Variants in TSEN2 observed in about 807,000 individuals in gnomAD.
The protein encoded by TSEN2 is tRNA-splicing endonuclease subunit Sen2.
A neutral mutation model predicts 59.2 loss-of-function variants in TSEN2; 54 were observed. The observed-to-expected ratio is 0.91, with a 90% CI of 0.73 to 1.14. The LOEUF (loss-of-function observed/expected upper bound fraction) is 1.14, where lower values mean the gene tolerates loss of function less well. Among genes scored for constraint, TSEN2 ranks in the 50% most tolerant of loss-of-function variants. TSEN2 has a pLI of 0.00. For missense variants in TSEN2, 636 were observed against 576.2 expected (o/e 1.10, Z -1.06); for synonymous variants, 195 against 198.2 (o/e 0.98, Z 0.14).
At chr3:12,521,438 G>T (rs2056628323) in intron 8 of TSEN2, among the ~76,000 whole-genome samples, 2 of 152,208 alleles carry the variant, frequency 1.3e-5, no homozygotes, top group South Asian at 4.1e-4. Context: ...ATATCTGCTG[G>T]GCACAGTGGC....
intron 9 of TSEN2, among the ~76,000 whole-genome samples, 167 bp from the exon 10 acceptor site, chr3:12,529,595 A>G (rs1017951640): frequency 4.6e-5 from 7 of 152,232 alleles, no homozygotes; most frequent in African/African-American, 1.7e-4. Flanking sequence ...TTTGTAACTT[A>G]AAGTATGAAT....
chr3:12,491,122 TTGGGACTACAGGCGCA>T (rs1413660733), intron 2 of TSEN2, among the ~76,000 whole-genome samples: 1 of 151,962 alleles, frequency 6.6e-6, no homozygotes, highest in African/African-American at 2.4e-5. Context: ...TCCCGAGTAG[TTGGGACTACAGGCGCA>T]TGCCACCATG....
chr3:12,495,756 G>A (rs1437443474), intron 3 of TSEN2, among the ~76,000 whole-genome samples: 2 of 152,168 alleles, frequency 1.3e-5, no homozygotes, highest in Non-Finnish European at 2.9e-5. Context: ...GCATGCAGAC[G>A]AGGCTGAGTT....
upstream of TSEN2, chr3:12,484,344 T>G (rs983726087): frequency 1.3e-5 from 2 of 152,338 alleles, no homozygotes; most frequent in African/African-American, 4.8e-5. Flanking sequence ...GTGGCAGAGC[T>G]GGCGCACAGA....
chr3:12,501,574 G>T (rs1005016298), intron 4 of TSEN2, among the ~76,000 whole-genome samples: 3 of 152,062 alleles, frequency 2.0e-5, no homozygotes. Flanking sequence ...TTGTTGAACT[G>T]TGTGAGATAT....
intron 2 of TSEN2, among the ~76,000 whole-genome samples, chr3:12,490,237 A>T (rs1027947792): frequency 6.6e-6 from 1 of 151,640 alleles, no homozygotes; most frequent in South Asian, 2.1e-4. Context: ...AGTAGGTTCA[A>T]TGGATTGACT....
chr3:12,535,787 C>A (rs1372804468), downstream of TSEN2, among the ~76,000 whole-genome samples: 2 of 152,184 alleles, frequency 1.3e-5, no homozygotes, highest in Admixed American at 6.5e-5. Context: ...CTGCCTCGGC[C>A]TCCCAAAGTG....
intron 11 of TSEN2, 133 bp downstream of exon 11, chr3:12,531,792 A>AAGTCTCTCACCTT (rs1349984468): frequency 1.4e-6 from 1 of 695,924 alleles, no homozygotes; most frequent in Non-Finnish European, 2.6e-6. Context: ...GCAGGCTCTT[A>AAGTCTCTCACCTT]AGTCTCTCAC....
chr3:12,495,091 A>G (rs2124978876), intron 3 of TSEN2, among the ~76,000 whole-genome samples: 1 of 136,372 alleles, frequency 7.3e-6, no homozygotes, highest in African/African-American at 2.8e-5. Context: ...GCGCCACTGC[A>G]TTTCAGCCTG....
chr3:12,533,044 C>T lies in TSEN2; in HGVS notation c.*323C>T. 1 of 425,446 alleles carries T rather than the reference C, an allele frequency of 2.4e-6. No individual in the cohort carries two copies. Among genetic ancestry groups the T allele is most frequent in the Non-Finnish European group, 4.3e-6 (1 of 231,882 alleles). The allele number at this position is 425,446 out of a possible 1,614,324, so 26.4% of individuals were successfully genotyped here. A position where few individuals can be genotyped will look rare whatever the true frequency, so the allele number is the denominator to read the frequency against. On this transcript the variant is annotated 3_prime_UTR_variant, in exon 12 of 12. Transcript: ENST00000284995. ...CTGAGAGGACACTTCCAACAAGAGA[C>T]ATTTATTCTCTGATTTTACCTGAAA...
chr3:12,499,678 A>G (rs1001708781), intron 4 of TSEN2, among the ~76,000 whole-genome samples: 1 of 152,136 alleles, frequency 6.6e-6, no homozygotes, highest in Non-Finnish European at 1.5e-5. Flanking sequence ...AGACATTGAT[A>G]TGGGTGTGCA....
intron 8 of TSEN2, among the ~76,000 whole-genome samples, chr3:12,523,523 A>ATTTTTTTTTT (rs1386382924): frequency 5.9e-5 from 3 of 51,024 alleles, no homozygotes; most frequent in Non-Finnish European, 1.3e-4. Context: ...TTCCTCTTTG[A>ATTTTTTTTTT]TTCTTTTTTT....
At chr3:12,515,984 C>T (rs774525342) in intron 6 of TSEN2, among the ~76,000 whole-genome samples, 1 of 152,034 alleles carries the variant, frequency 6.6e-6, no homozygotes, top group Admixed American at 6.5e-5. Context: ...CATCATTCTT[C>T]AGTTATATAG....
intron 3 of TSEN2, among the ~76,000 whole-genome samples, chr3:12,493,242 G>A (rs1205959892): frequency 6.6e-6 from 1 of 152,156 alleles, no homozygotes; most frequent in African/African-American, 2.4e-5. Context: ...TTGCATACAC[G>A]TATCTGAGTC....
chr3:12,529,052 A>G (rs911412112), intron 9 of TSEN2, 128 bp downstream of exon 9: 5 of 894,688 alleles, frequency 5.6e-6, no homozygotes, highest in African/African-American at 3.3e-5. Context: ...AATAGATGCT[A>G]TATGTTCATG....
chr3:12,483,125 C>T (rs917817965), upstream of TSEN2, among the ~76,000 whole-genome samples: 1 of 152,190 alleles, frequency 6.6e-6, no homozygotes, highest in African/African-American at 2.4e-5. Flanking sequence ...CCTGTAATCC[C>T]AGCACTTTGG....
chr3:12,495,236 AATTATTTTGAG>A (rs374776559), intron 3 of TSEN2, among the ~76,000 whole-genome samples: 88 of 152,076 alleles, frequency 5.8e-4, no homozygotes, highest in African/African-American at 1.9e-3. Flanking sequence ...CAGAGTGAGA[AATTATTTTGAG>A]TAACTTTTGG....
rs2125140796 is a variant in TSEN2, at chr3:12,516,616, T to C, written c.915T>C (p.Phe305=). 6.2e-7 allele frequency: 1 copy of C among 1,613,950 alleles called. No individual in the cohort carries two copies. The highest frequency in any genetic ancestry group is 1.7e-5 in the Admixed American group (1 of 59,986). The change falls in exon 7 of 12, where the codon TTT becomes TTC. Residue 305 remains phenylalanine (F), a synonymous_variant. Coordinates refer to ENST00000284995, the MANE Select transcript of TSEN2 (RefSeq NM_025265.4). ...EYLQLSLEEA[F]FLVYALGCLS... Reference sequence around the variant, plus strand: ...TCTGCTTGCTGTATTTTCAGGCCTTTTTCTTGGTCTATGCTCTGGGATGTT... The same window carrying C: ...TCTGCTTGCTGTATTTTCAGGCCTTCTTCTTGGTCTATGCTCTGGGATGTT...
downstream of TSEN2, among the ~76,000 whole-genome samples, chr3:12,537,211 AC>A (rs1413064789): frequency 6.6e-6 from 1 of 152,132 alleles, no homozygotes; most frequent in Non-Finnish European, 1.5e-5. Context: ...AGCCTGGGCA[AC>A]ATAGTGAGAC....
Sources: gnomAD v4.1 joint callset for allele counts (sites outside exome capture counted in the v4.1 genomes callset) on GRCh38, gnomAD v4.1.1 for gene constraint, MANE v1.5 for transcripts, NCBI Gene and HGNC (gene_info 2026-07-23, HGNC 2026-07-21) for gene names.